The following DLG2 variants were observed in gnomAD, a reference collection of about 807,000 sequenced individuals.
The protein encoded by DLG2 is disks large homolog 2.
DLG2 carries 45 observed loss-of-function variants against 132.5 expected under a neutral mutation model. That is an observed-to-expected ratio of 0.34 (90% CI 0.27 to 0.44). DLG2 has a LOEUF of 0.44. DLG2 is among the 20% of genes least tolerant of loss of function. The pLI is 1.00. For synonymous variants in DLG2, 424 were observed against 419.6 expected, an observed-to-expected ratio of 1.01 and a Z score of -0.13; for missense variants, 1,045 against 1,196.9, an observed-to-expected ratio of 0.87 and a Z score of 1.87.
At chr11:84,130,251 G>A (rs60761480) in intron 9 of DLG2, among the ~76,000 whole-genome samples, 11,808 of 151,638 alleles carry the variant, frequency 0.078, 546 homozygotes, top group African/African-American at 0.13. Flanking sequence ...AACCTATGAC[G>A]TTCTTAAAAA....
chr11:84,382,866 C>T (rs1023060968), intron 7 of DLG2, among the ~76,000 whole-genome samples: 4 of 140,492 alleles, frequency 2.8e-5, no homozygotes, highest in Non-Finnish European at 4.5e-5. Context: ...AGCGAGACTC[C>T]GTCACAAAAA....
intron 4 of DLG2, among the ~76,000 whole-genome samples, chr11:85,165,353 A>G (rs1236026181): frequency 6.6e-6 from 1 of 152,220 alleles, no homozygotes; most frequent in Non-Finnish European, 1.5e-5. Flanking sequence ...CCAAAAGACC[A>G]GACGAAATCA....
intron 7 of DLG2, among the ~76,000 whole-genome samples, chr11:84,453,213 G>C (rs1002578355): frequency 6.6e-6 from 1 of 151,630 alleles, no homozygotes; most frequent in African/African-American, 2.4e-5. Context: ...AATAGAAATG[G>C]TATGTAAAGC....
chr11:85,294,279 GA>G (rs770579679), intron 3 of DLG2, among the ~76,000 whole-genome samples: 6 of 151,646 alleles, frequency 4.0e-5, no homozygotes, highest in Non-Finnish European at 7.4e-5. Flanking sequence ...ACACCACTTT[GA>G]AAAATGGTAA....
At chr11:83,719,047 G>A (rs2087603768) in intron 18 of DLG2, among the ~76,000 whole-genome samples, 2 of 152,204 alleles carry the variant, frequency 1.3e-5, no homozygotes, top group African/African-American at 2.4e-5. Context: ...CAGACCTACT[G>A]AGTGAGAATC....
chr11:84,423,574 T>C (rs2098957416), intron 7 of DLG2, among the ~76,000 whole-genome samples: 1 of 152,180 alleles, frequency 6.6e-6, no homozygotes. Context: ...TCCTTTATTG[T>C]TGTCTTCCTC....
intron 18 of DLG2, among the ~76,000 whole-genome samples, chr11:83,784,791 T>C (rs894185792): frequency 6.6e-6 from 1 of 152,220 alleles, no homozygotes; most frequent in African/African-American, 2.4e-5. Context: ...TTGATCACTA[T>C]CGAGAGCTTC....
chr11:84,788,148 T>C (rs1199375340), intron 6 of DLG2, among the ~76,000 whole-genome samples: 1 of 122,478 alleles, frequency 8.2e-6, no homozygotes, highest in African/African-American at 3.1e-5. Flanking sequence ...ACCACATCAA[T>C]CTCCACAAGA....
intron 6 of DLG2, among the ~76,000 whole-genome samples, chr11:84,769,283 T>C (rs56069764): frequency 0.016 from 2,390 of 152,214 alleles, 80 homozygotes; most frequent in African/African-American, 0.054. Context: ...TAAATATCTT[T>C]AAAAGAATCA....
chr11:84,056,842 T>C (rs60774993), intron 11 of DLG2, among the ~76,000 whole-genome samples: 1,953 of 152,264 alleles, frequency 0.013, 40 homozygotes, highest in African/African-American at 0.044. Flanking sequence ...CAGTGACCTC[T>C]GGACAGCGAC....
chr11:84,366,797 C>A (rs11824875), intron 7 of DLG2, among the ~76,000 whole-genome samples: 8,587 of 152,090 alleles, frequency 0.056, 814 homozygotes, highest in African/African-American at 0.19. Flanking sequence ...TACAGGAGCA[C>A]CCAGATTCAT....
chr11:84,331,388 G>A (rs2098457601), intron 7 of DLG2, among the ~76,000 whole-genome samples: 1 of 150,558 alleles, frequency 6.6e-6, no homozygotes, highest in African/African-American at 2.4e-5. Context: ...TTCAAATTTA[G>A]GTCAGTCAGA....
At chr11:84,124,265 G>A (rs1055323732) in intron 9 of DLG2, among the ~76,000 whole-genome samples, 2 of 152,138 alleles carry the variant, frequency 1.3e-5, no homozygotes, top group Non-Finnish European at 2.9e-5. Context: ...CTGGAGAGGT[G>A]ACATAAAATG....
chr11:84,219,284 G>A (rs1367824432), intron 8 of DLG2, among the ~76,000 whole-genome samples: 1 of 152,180 alleles, frequency 6.6e-6, no homozygotes, highest in Non-Finnish European at 1.5e-5. Context: ...ACTAGAACTT[G>A]AAGTCAAGTT....
chr11:85,001,410 A>T (rs976434270), intron 6 of DLG2, among the ~76,000 whole-genome samples: 1 of 152,186 alleles, frequency 6.6e-6, no homozygotes. Flanking sequence ...AAATGTTGAG[A>T]CATGATGAGA....
At chr11:85,337,469 T>C (rs1036436300) in intron 3 of DLG2, among the ~76,000 whole-genome samples, 3 of 152,226 alleles carry the variant, frequency 2.0e-5, no homozygotes, top group Non-Finnish European at 1.5e-5. Flanking sequence ...CGGGTATTTA[T>C]GTTAAAATGA....
intron 5 of DLG2, among the ~76,000 whole-genome samples, chr11:85,126,688 G>C (rs140937077): frequency 6.6e-6 from 1 of 151,936 alleles, no homozygotes; most frequent in Non-Finnish European, 1.5e-5. Flanking sequence ...GGAATGACAA[G>C]AATTAGAACC....
At chr11:85,101,604 T>C (rs1190929495) in intron 6 of DLG2, among the ~76,000 whole-genome samples, 2 of 152,064 alleles carry the variant, frequency 1.3e-5, no homozygotes, top group South Asian at 2.1e-4. Context: ...AAGTACTGAA[T>C]TGGAAAAACT....
At chr11:83,541,324 A>G (rs2096061916) in intron 20 of DLG2, among the ~76,000 whole-genome samples, 1 of 152,104 alleles carries the variant, frequency 6.6e-6, no homozygotes, top group South Asian at 2.1e-4. Flanking sequence ...TATAACATTC[A>G]TTGGTAAATG....
Sources: gnomAD v4.1 joint callset for allele counts (sites outside exome capture counted in the v4.1 genomes callset) on GRCh38, gnomAD v4.1.1 for gene constraint, MANE v1.5 for transcripts, NCBI Gene and HGNC (gene_info 2026-07-23, HGNC 2026-07-21) for gene names.